Variants in EEPD1 observed in about 807,000 individuals in gnomAD.
EEPD1 encodes endonuclease/exonuclease/phosphatase family domain-containing protein 1.
A neutral mutation model predicts 46.3 loss-of-function variants in EEPD1; 17 were observed. The observed-to-expected ratio is 0.37, with a 90% CI of 0.25 to 0.55. EEPD1 has a LOEUF of 0.55. Ranked by LOEUF, EEPD1 falls within the 20% of genes least tolerant of loss-of-function variation. The pLI is 0.83. For missense variants in EEPD1, 673 were observed against 745.6 expected, an observed-to-expected ratio of 0.90 and a Z score of 1.13; for synonymous variants, 313 against 315.6, an observed-to-expected ratio of 0.99 and a Z score of 0.09.
At chr7:36,243,241 G>A (rs879671072) in intron 3 of EEPD1, among the ~76,000 whole-genome samples, 13 of 151,554 alleles carry the variant, frequency 8.6e-5, no homozygotes, top group Non-Finnish European at 1.6e-4. Flanking sequence ...TATCACCATC[G>A]CTATTATTAA....
intron 2 of EEPD1, among the ~76,000 whole-genome samples, chr7:36,218,815 G>A (rs1421458827): frequency 6.6e-6 from 1 of 152,136 alleles, no homozygotes; most frequent in Non-Finnish European, 1.5e-5. Context: ...GCATGTTATG[G>A]TGGCTTGACA....
chr7:36,197,063 G>A (rs1485932226), intron 2 of EEPD1, among the ~76,000 whole-genome samples: 1 of 124,840 alleles, frequency 8.0e-6, no homozygotes, highest in Admixed American at 7.7e-5. Context: ...GCCCGGCCAC[G>A]ACCCCGTCTG....
intron 2 of EEPD1, among the ~76,000 whole-genome samples, chr7:36,197,210 G>A (rs1468466940): frequency 2.7e-4 from 41 of 150,618 alleles, no homozygotes; most frequent in African/African-American, 1.0e-3. Context: ...GAGCGTCTCC[G>A]CCCGGCAGCC....
chr7:36,198,961 G>T (rs1036166209), intron 2 of EEPD1, among the ~76,000 whole-genome samples: 2 of 151,942 alleles, frequency 1.3e-5, no homozygotes, highest in African/African-American at 4.8e-5. Context: ...GGGAGGGGTG[G>T]ACCACCGAGG....
At chr7:36,281,544 G>A (rs976591244) in intron 4 of EEPD1, among the ~76,000 whole-genome samples, 2 of 152,170 alleles carry the variant, frequency 1.3e-5, no homozygotes, top group African/African-American at 4.8e-5. Flanking sequence ...TGCCAAGTTT[G>A]TGCAGAGCTC....
intron 2 of EEPD1, among the ~76,000 whole-genome samples, chr7:36,161,222 T>C (rs1162278983): frequency 6.6e-6 from 1 of 152,192 alleles, no homozygotes; most frequent in African/African-American, 2.4e-5. Flanking sequence ...TACTACCTGA[T>C]GAGGTCAGAG....
chr7:36,188,399 G>A (rs1785402232), intron 2 of EEPD1, among the ~76,000 whole-genome samples: 1 of 152,176 alleles, frequency 6.6e-6, no homozygotes, highest in African/African-American at 2.4e-5. Context: ...ATGGGTCATT[G>A]TGTGTGTCTG....
In EEPD1 at chr7:36,225,031, T is replaced by C. The variant is rs1307660099; in HGVS notation, c.879-13954T>C. ...GAGTGATGAGGCCAAAAACAAGGAATGCAGGCAGCCACCAGAGACAAAAAA... is the reference window on the plus strand; with the variant it reads ...GAGTGATGAGGCCAAAAACAAGGAACGCAGGCAGCCACCAGAGACAAAAAA... On this transcript the variant is annotated intron_variant, in intron 2 of 7. Transcript: ENST00000242108. This position sits in a 1 kb window ranked among gnomAD's most constrained non-coding sequence, Gnocchi z 4.2. 1.3e-5 allele frequency among the ~76,000 whole-genome samples: 2 copies of C among 151,424 alleles called. No individual in the cohort carries two copies. The highest frequency in any genetic ancestry group is 4.9e-5 in the African/African-American group (2 of 41,134).
At chr7:36,292,669 A>G (rs196605) in intron 6 of EEPD1, among the ~76,000 whole-genome samples, 149,134 of 152,166 alleles carry the variant, frequency 0.98, 73,162 homozygotes, top group East Asian at 1. Context: ...CACTATGCCC[A>G]GCTGATTTTT....
chr7:36,210,077 GCAGA>G (rs1466237870), intron 2 of EEPD1, among the ~76,000 whole-genome samples: 1 of 152,152 alleles, frequency 6.6e-6, no homozygotes, highest in Non-Finnish European at 1.5e-5. Context: ...GGTTTCCAAA[GCAGA>G]CAGGCAGCTG....
chr7:36,217,899 A>G (rs547968573), intron 2 of EEPD1, among the ~76,000 whole-genome samples: 132 of 152,374 alleles, frequency 8.7e-4, no homozygotes, highest in South Asian at 2.3e-3. Flanking sequence ...TGGCTGGAGT[A>G]TTAATTTGCA....
intron 2 of EEPD1, among the ~76,000 whole-genome samples, chr7:36,192,998 G>A (rs531924318): frequency 3.3e-5 from 5 of 152,292 alleles, no homozygotes; most frequent in East Asian, 1.9e-4. Context: ...GTGGGGATGC[G>A]CAGCGAGGGG....
intron 2 of EEPD1, among the ~76,000 whole-genome samples, chr7:36,198,903 A>T (rs1337387040): frequency 6.6e-6 from 1 of 151,974 alleles, no homozygotes; most frequent in Non-Finnish European, 1.5e-5. Context: ...TGAGCAGTGC[A>T]GCTGGTGGGA....
chr7:36,237,149 G>T (rs115222003), intron 2 of EEPD1, among the ~76,000 whole-genome samples: 3,849 of 152,298 alleles, frequency 0.025, 177 homozygotes, highest in African/African-American at 0.087. Flanking sequence ...AACGTCTGCA[G>T]CTTCACTCCT....
intron 3 of EEPD1, among the ~76,000 whole-genome samples, chr7:36,258,885 G>GAAAA (rs35478776): frequency 8.7e-6 from 1 of 115,110 alleles, no homozygotes; most frequent in Non-Finnish European, 1.8e-5. Flanking sequence ...ACTGGGGTAT[G>GAAAA]AAAAAAAAAA....
chr7:36,164,294 A>G (rs941424014), intron 2 of EEPD1, among the ~76,000 whole-genome samples: 1 of 152,150 alleles, frequency 6.6e-6, no homozygotes, highest in African/African-American at 2.4e-5. Flanking sequence ...CTTCTATTTC[A>G]CCAGTTGACA....
rs196618 is a variant in EEPD1 at position 36,300,525 on chromosome 7, A to G, written c.*1319A>G. On this transcript the variant is annotated 3_prime_UTR_variant, in exon 8 of 8. Transcript: ENST00000242108. ...ATATGAAAGTAAATAGTGAAAAGGTAAGTTATGAGCTTAGATTACCTAGAT... is the reference window on the plus strand; with the variant it reads ...ATATGAAAGTAAATAGTGAAAAGGTGAGTTATGAGCTTAGATTACCTAGAT... 125,892 of 152,240 alleles carry G rather than the reference A, an allele frequency of 0.83. 52,883 individuals carry two copies. The highest frequency in any genetic ancestry group is 0.96 in the East Asian group (4,989 of 5,180). The allele number at this position is 152,240 out of a possible 1,614,324, so 9.4% of individuals were successfully genotyped here.
At chr7:36,235,350 G>A (rs1786414582) in intron 2 of EEPD1, among the ~76,000 whole-genome samples, 2 of 152,356 alleles carry the variant, frequency 1.3e-5, no homozygotes, top group East Asian at 1.9e-4. Context: ...TGTCACCCTG[G>A]TTGCTGGCTG....
At chr7:36,184,121 G>T (rs1381039737) in intron 2 of EEPD1, among the ~76,000 whole-genome samples, 1 of 152,020 alleles carries the variant, frequency 6.6e-6, no homozygotes, top group African/African-American at 2.4e-5. Context: ...TACTCAATTT[G>T]CTATTGTCAA....
Sources: gnomAD v4.1 joint callset for allele counts (sites outside exome capture counted in the v4.1 genomes callset) on GRCh38, gnomAD v4.1.1 for gene constraint, Gnocchi (gnomAD v3.1) non-coding constraint, MANE v1.5 for transcripts, NCBI Gene and HGNC (gene_info 2026-07-23, HGNC 2026-07-21) for gene names.